TOP3A: variants seen among roughly 807,000 people sequenced by gnomAD.
TOP3A encodes DNA topoisomerase 3-alpha.
A neutral mutation model predicts 111.3 loss-of-function variants in TOP3A; 64 were observed. That is an observed-to-expected ratio of 0.57 (90% CI 0.47 to 0.71). The LOEUF is 0.71. Among genes scored for constraint, TOP3A ranks in the 30% least tolerant of loss-of-function variants. The pLI is 0.00. For synonymous variants in TOP3A, 484 were observed against 485.1 expected, an observed-to-expected ratio of 1.00 and a Z score of 0.03; for missense variants, 1,104 against 1,285.0, an observed-to-expected ratio of 0.86 and a Z score of 2.15.
At chr17:18,285,635 G>A in intron 13 of TOP3A, 115 bp from the exon 14 acceptor site, 2 of 749,628 alleles carry the variant, frequency 2.7e-6, no homozygotes, top group Non-Finnish European at 4.4e-6. Context: ...GCCTATGCAG[G>A]TAAGATGCCT....
intron 11 of TOP3A, among the ~76,000 whole-genome samples, chr17:18,291,750 C>CT (rs1393874533): frequency 3.9e-5 from 6 of 152,072 alleles, no homozygotes; most frequent in African/African-American, 1.4e-4. Flanking sequence ...GAGTCTCACT[C>CT]TGTCGCCAGG....
chr17:18,312,220 G>A (rs1981955753), intron 1 of TOP3A: 3 of 152,420 alleles, frequency 2.0e-5, no homozygotes, highest in African/African-American at 7.2e-5. Context: ...ACAGAGCAAG[G>A]GATGAGATCG....
intron 6 of TOP3A, 57 bp from the exon 7 acceptor site, chr17:18,302,491 G>C: frequency 6.3e-7 from 1 of 1,595,712 alleles, no homozygotes; most frequent in South Asian, 1.1e-5. Context: ...AGAGTCCAGG[G>C]CTGGCTGCAC....
Position 18,273,636 on chromosome 17 carries a change from T to A in TOP3A, c.*1166A>T, listed in dbSNP as rs888410455. Among the ~76,000 whole-genome samples the A allele has an allele frequency of 6.6e-6, 1 of 152,158 alleles. No homozygotes were observed. Among genetic ancestry groups the A allele is most frequent in the Admixed American group, 6.5e-5 (1 of 15,274 alleles). The stretch of plus-strand genomic sequence containing the variant: ...AAAAAAAGGTTGGATTCTTTCATTT[T>A]AAAAAAAGTTTGAGACAGGGTCTTA... On this transcript the variant is annotated 3_prime_UTR_variant, in exon 19 of 19. Coordinates refer to ENST00000321105, the MANE Select transcript of TOP3A (RefSeq NM_004618.5).
intron 4 of TOP3A, chr17:18,306,602 C>A (rs1437924732): frequency 3.8e-6 from 1 of 264,210 alleles, no homozygotes; most frequent in Non-Finnish European, 7.3e-6. Flanking sequence ...TCCTGGAGTT[C>A]ATGTGATCCT....
chr17:18,313,110 C>T (rs1567755131), intron 1 of TOP3A: 2 of 152,374 alleles, frequency 1.3e-5, no homozygotes, highest in African/African-American at 2.4e-5. Flanking sequence ...AGCTCCATCT[C>T]AAAACAAACA....
intron 16 of TOP3A, among the ~76,000 whole-genome samples, chr17:18,282,036 C>T (rs537126637): frequency 1.3e-5 from 2 of 152,306 alleles, no homozygotes; most frequent in South Asian, 4.1e-4. Flanking sequence ...CACCCCTCCA[C>T]CTCGTCTTTC....
Position 18,308,912 on chromosome 17 carries a change from G to A in TOP3A, c.210C>T (p.Ile70=). The A allele has an allele frequency of 6.4e-7, 1 of 1,560,754 alleles. No individual in the cohort carries two copies. Among genetic ancestry groups the A allele is most frequent in the East Asian group, 2.3e-5 (1 of 43,428 alleles). The change falls in exon 2 of 19, where the codon ATC becomes ATT. Residue 70 remains isoleucine, a synonymous_variant. Coordinates refer to ENST00000321105, the MANE Select transcript of TOP3A (RefSeq NM_004618.5). The part of the protein sequence containing the change: ...RREGLSKFNK[I]YEFDYHLYGQ... Reference sequence around the variant, plus strand: ...CATACAGATGATAATCAAATTCATAGATCTTGTTGAATTTTGAAAGTCCTT... The same window carrying A: ...CATACAGATGATAATCAAATTCATAAATCTTGTTGAATTTTGAAAGTCCTT...
At chr17:18,281,289 A>G (rs1979741526) in intron 16 of TOP3A, among the ~76,000 whole-genome samples, 1 of 152,204 alleles carries the variant, frequency 6.6e-6, no homozygotes, top group Non-Finnish European at 1.5e-5. Flanking sequence ...CCGAACTCCA[A>G]TCATTTAAAT....
chr17:18,280,412 C>T, intron 17 of TOP3A, 124 bp downstream of exon 17: 2 of 1,133,482 alleles, frequency 1.8e-6, no homozygotes, highest in Non-Finnish European at 1.2e-6. Flanking sequence ...TGCTGCAGAA[C>T]ACAGCTACGC....
chr17:18,314,519 CG>C, intron 1 of TOP3A, 79 bp downstream of exon 1: 1 of 1,466,320 alleles, frequency 6.8e-7, no homozygotes, highest in Non-Finnish European at 9.2e-7. Flanking sequence ...GCCTTCATCT[CG>C]ATTCTTGGCG....
Position 18,272,155 on chromosome 17 carries a change from G to C in TOP3A, c.*2647C>G, listed in dbSNP as rs898951403. 7.2e-5 allele frequency among the ~76,000 whole-genome samples: 11 copies of C among 152,224 alleles called. No individual in the cohort carries two copies. The highest frequency in any genetic ancestry group is 2.7e-4 in the African/African-American group (11 of 41,458). On this transcript the variant is annotated 3_prime_UTR_variant, in exon 19 of 19. Transcript: ENST00000321105. ...ATGTATACCAATGGCCAGTAAGCCTGTGGAAAGATGGTCAATGTCATTAAT... is the reference window on the plus strand; with the variant it reads ...ATGTATACCAATGGCCAGTAAGCCTCTGGAAAGATGGTCAATGTCATTAAT...
At position 18,278,274 on chromosome 17, in the gene TOP3A, G is replaced by A; in HGVS notation, c.2228C>T (p.Thr743Ile). The A allele has an allele frequency of 6.5e-7, 1 of 1,539,204 alleles. No individual in the cohort carries two copies. The highest frequency in any genetic ancestry group is 2.1e-5 in the Admixed American group (1 of 48,544). The change falls in exon 18 of 19, where the codon ACC (threonine) becomes ATC (isoleucine). Residue 743 changes from threonine (T) to isoleucine (I), a missense_variant. Coordinates refer to ENST00000321105, the MANE Select transcript of TOP3A (RefSeq NM_004618.5). ...FVCCIGGCDD[T>I]LREILDLRFS... ...TCTCAGGTCCAGGATCTCCCTCAGG[G>A]TGTCGTCGCATCCGCCGATGCAGCA...
At chr17:18,305,280 T>A in intron 4 of TOP3A, 60 bp from the exon 5 acceptor site, 1 of 1,372,698 alleles carries the variant, frequency 7.3e-7, no homozygotes. Flanking sequence ...TGACTTGACA[T>A]CTCTAAGCTA....
intron 1 of TOP3A, chr17:18,313,099 A>T (rs951551351): frequency 1.3e-5 from 2 of 152,458 alleles, no homozygotes; most frequent in African/African-American, 4.8e-5. Flanking sequence ...AACAAGAGCA[A>T]AGCTCCATCT....
intron 8 of TOP3A, among the ~76,000 whole-genome samples, chr17:18,300,053 T>C (rs60296072): frequency 6.6e-6 from 1 of 152,158 alleles, no homozygotes; most frequent in Admixed American, 6.5e-5. Flanking sequence ...TAAGCCACCA[T>C]GCTTGGCCCA....
chr17:18,297,448 C>CCACGG (rs1980886654), intron 9 of TOP3A, among the ~76,000 whole-genome samples: 27 of 152,036 alleles, frequency 1.8e-4, no homozygotes, highest in Non-Finnish European at 2.5e-4. Flanking sequence ...GTCCCTCTCC[C>CCACGG]TCTCCCCACG....
intron 13 of TOP3A, among the ~76,000 whole-genome samples, chr17:18,286,448 G>A (rs1255294938): frequency 2.0e-5 from 3 of 152,180 alleles, no homozygotes; most frequent in South Asian, 2.1e-4. Context: ...CCTGGGAGGC[G>A]GAGCCTGCAG....
At chr17:18,310,743 A>G (rs1008616115) in intron 1 of TOP3A, among the ~76,000 whole-genome samples, 3 of 152,168 alleles carry the variant, frequency 2.0e-5, no homozygotes, top group African/African-American at 7.2e-5. Flanking sequence ...TGAACTATAT[A>G]CTTCAAAATG....
Sources: allele counts gnomAD v4.1 joint callset (sites outside exome capture counted in the v4.1 genomes callset), GRCh38; gene constraint gnomAD v4.1.1; transcripts MANE v1.5; gene names NCBI Gene and HGNC (gene_info 2026-07-23, HGNC 2026-07-21).